ZCWPW1: variants seen among roughly 807,000 people sequenced by gnomAD.
ZCWPW1 encodes the protein zinc finger CW-type PWWP domain protein 1.
ZCWPW1 carries 56 observed loss-of-function variants against 81.3 expected under a neutral mutation model. The observed-to-expected ratio is 0.69, with a 90% confidence interval of 0.56 to 0.86. The LOEUF (loss-of-function observed/expected upper bound fraction) is 0.86. ZCWPW1 is among the 40% of genes least tolerant of loss of function. The pLI is 0.00. For synonymous variants in ZCWPW1, 250 were observed against 273.7 expected (o/e 0.91, Z 0.86); for missense variants, 650 against 769.8 (o/e 0.84, Z 1.84).
intron 5 of ZCWPW1, chr7:100,418,804 T>A (rs1011854987): frequency 3.6e-4 from 56 of 157,256 alleles, no homozygotes; most frequent in Admixed American, 6.6e-4. Flanking sequence ...AAAAAAAAAA[T>A]AATAAATAAG....
At position 100,408,658 on chromosome 7, in the gene ZCWPW1, A is replaced by T; in HGVS notation, c.873T>A (p.Asp291Glu). Residue 291 changes from aspartate (D) to glutamate (E), a missense_variant and splice_region_variant, in exon 10 of 18, where the codon GAT (aspartate) becomes GAA (glutamate). Coordinates refer to ENST00000684423, the MANE Select transcript of ZCWPW1 (RefSeq NM_001386010.1). ...GAATATCACAGCGATTATACTGCAC[A>T]TCTGCTGAAAGAGAGAAGGAATGAA... ...PDNWSCDQNT[D>E]VQYNRCDIPE... 6.2e-7 allele frequency: 1 copy of T among 1,612,786 alleles called. No individual in the cohort carries two copies. Among genetic ancestry groups the T allele is most frequent in the Non-Finnish European group, 8.5e-7 (1 of 1,179,428 alleles).
Position 100,402,557 on chromosome 7 carries a change from C to G in ZCWPW1, c.1433G>C (p.Arg478Pro), listed in dbSNP as rs766317643. 1 of 1,613,956 alleles carries G rather than the reference C, an allele frequency of 6.2e-7. No individual in the cohort carries two copies. The highest frequency in any genetic ancestry group is 8.5e-7 in the Non-Finnish European group (1 of 1,179,988). The change falls in exon 16 of 18, where the codon CGT (arginine) becomes CCT (proline). Residue 478 changes from arginine (R) to proline (P), a missense_variant. Transcript: ENST00000684423. The stretch of plus-strand genomic sequence containing the variant: ...TTGGGTCTGTATTTTGACTCGCTTA[C>G]GAATGGGCAAAATTGGGTCCTGAGG... ...GEKTDPILPI[R>P]KRVKIQTQKT...
At chr7:100,405,602 C>T (rs1423283272) in intron 12 of ZCWPW1, among the ~76,000 whole-genome samples, 1 of 152,114 alleles carries the variant, frequency 6.6e-6, no homozygotes, top group Admixed American at 6.6e-5. Context: ...ACCCCCCTTC[C>T]GTCTAATAGA....
chr7:100,428,076 G>A (rs1798057158), intron 1 of ZCWPW1, among the ~76,000 whole-genome samples: 1 of 152,100 alleles, frequency 6.6e-6, no homozygotes, highest in Non-Finnish European at 1.5e-5. Context: ...GTCGCCCTGA[G>A]AAAGTTTCTC....
intron 16 of ZCWPW1, 37 bp downstream of exon 16, chr7:100,402,479 C>T (rs1256854315): frequency 1.2e-6 from 2 of 1,610,876 alleles, no homozygotes; most frequent in South Asian, 1.1e-5. Context: ...CCTGCCTTAA[C>T]TGTGGGTTGT....
At chr7:100,407,145 G>A in intron 11 of ZCWPW1, 83 bp downstream of exon 11, 1 of 1,302,928 alleles carries the variant, frequency 7.7e-7, no homozygotes, top group Non-Finnish European at 1.1e-6. Context: ...CTATGTCCAT[G>A]TCTCTTATCT....
At position 100,420,617 on chromosome 7, in the gene ZCWPW1, C is replaced by G; in HGVS notation, c.28+5G>C. On this transcript the variant is annotated splice_donor_5th_base_variant and intron_variant, in intron 3 of 17. Transcript: ENST00000684423. ...TGAAGCGAACCTCCCTCACTCTTGA[C>G]TCACCTTCTTTATTCTGCAACGTTG... 6.2e-7 allele frequency: 1 copy of G among 1,614,138 alleles called. No homozygotes were observed. The highest frequency in any genetic ancestry group is 8.5e-7 in the Non-Finnish European group (1 of 1,180,026).
intron 9 of ZCWPW1, among the ~76,000 whole-genome samples, chr7:100,408,925 C>T (rs887906025): frequency 6.6e-6 from 1 of 151,968 alleles, no homozygotes; most frequent in Non-Finnish European, 1.5e-5. Flanking sequence ...AGATTCCACA[C>T]TCCTGCTTGC....
chr7:100,415,029 G>T (rs913440191), intron 8 of ZCWPW1, among the ~76,000 whole-genome samples: 1 of 133,874 alleles, frequency 7.5e-6, no homozygotes, highest in Admixed American at 7.6e-5. Flanking sequence ...ATCTCAAAAC[G>T]AAACAAAACA....
chr7:100,416,635 C>G (rs1795267738), intron 6 of ZCWPW1, among the ~76,000 whole-genome samples, 179 bp from the exon 7 acceptor site: 1 of 152,102 alleles, frequency 6.6e-6, no homozygotes, highest in South Asian at 2.1e-4. Context: ...CTTTCCTGAG[C>G]TGAGAGAAAT....
At chr7:100,425,226 A>AG (rs1484392934) in intron 1 of ZCWPW1, 90 bp from the exon 2 acceptor site, 5 of 152,218 alleles carry the variant, frequency 3.3e-5, no homozygotes, top group Non-Finnish European at 5.9e-5. Context: ...CTAAATGACT[A>AG]GGGGCTGTAG....
At position 100,419,098 on chromosome 7, in the gene ZCWPW1, C is replaced by T. The variant is rs781305680; in HGVS notation, c.361+13G>A. 6.2e-7 allele frequency: 1 copy of T among 1,610,500 alleles called. No individual in the cohort carries two copies. The highest frequency in any genetic ancestry group is 8.5e-7 in the Non-Finnish European group (1 of 1,177,844). On this transcript the variant is annotated intron_variant, in intron 5 of 17. Transcript: ENST00000684423. ...CTTAACTGAAACCCTTTTTCTCTTACTACATGCCATACCCAAGCACTCCTG... is the reference window on the plus strand; with the variant it reads ...CTTAACTGAAACCCTTTTTCTCTTATTACATGCCATACCCAAGCACTCCTG...
At position 100,419,689 on chromosome 7, in the gene ZCWPW1, T is replaced by A. The variant is rs757747749; in HGVS notation, c.223A>T (p.Arg75Trp). ...EKATMKNVPS[R>W]EQEKKRKAQI... ...GCCTTTCTTTTTTTCTCCTGTTCCC[T>A]GCTTGGAACATTCTTCATGGTTGCT... The change falls in exon 4 of 18, where the codon AGG becomes TGG. Residue 75 changes from arginine to tryptophan, a missense_variant. Arg to Trp is a moderately radical substitution (Grantham distance 101, BLOSUM62 -3). Coordinates refer to ENST00000684423, the MANE Select transcript of ZCWPW1 (RefSeq NM_001386010.1). 6 of 1,614,008 alleles carry A rather than the reference T, an allele frequency of 3.7e-6. No individual in the cohort carries two copies. The highest frequency in any genetic ancestry group is 1.7e-5 in the Admixed American group (1 of 59,974).
intron 12 of ZCWPW1, among the ~76,000 whole-genome samples, chr7:100,405,894 G>A (rs1319842358): frequency 1.3e-5 from 2 of 152,254 alleles, no homozygotes; most frequent in South Asian, 4.1e-4. Context: ...CAAAGTGCTG[G>A]GATTACAGGT....
intron 12 of ZCWPW1, among the ~76,000 whole-genome samples, chr7:100,405,629 A>C (rs1004290671): frequency 9.9e-5 from 15 of 151,966 alleles, no homozygotes; most frequent in African/African-American, 3.6e-4. Context: ...ACCAATTCCT[A>C]ACTAGGTATA....
intron 10 of ZCWPW1, among the ~76,000 whole-genome samples, chr7:100,408,076 G>A (rs1205328169): frequency 3.9e-5 from 6 of 152,118 alleles, no homozygotes; most frequent in South Asian, 2.1e-4. Context: ...TCAGCGTCCT[G>A]AGTAGCTGGG....
At chr7:100,417,789 C>T (rs529938061) in intron 5 of ZCWPW1, among the ~76,000 whole-genome samples, 62 of 152,066 alleles carry the variant, frequency 4.1e-4, no homozygotes, top group African/African-American at 1.4e-3. Context: ...AGAAGTATAC[C>T]TAAGAATGGC....
Position 100,400,971 on chromosome 7 carries a change from C to A in ZCWPW1, c.*43G>T, listed in dbSNP as rs773970146. The A allele has an allele frequency of 7.8e-6, 12 of 1,538,714 alleles. No homozygotes were observed. Among genetic ancestry groups the A allele is most frequent in the East Asian group, 2.3e-5 (1 of 43,826 alleles). The stretch of plus-strand genomic sequence containing the variant: ...AGCACTTAGCAACTTCTCCCTCCTG[C>A]GCCCCAGAGAAGGGAGAAAAAGAGG... On this transcript the variant is annotated 3_prime_UTR_variant, in exon 18 of 18. Transcript: ENST00000684423.
intron 9 of ZCWPW1, 46 bp from the exon 10 acceptor site, chr7:100,408,705 A>G: frequency 1.3e-6 from 2 of 1,594,960 alleles, no homozygotes; most frequent in East Asian, 2.2e-5. Context: ...AGACTCTTTA[A>G]GAGAAAGAGC....
Sources: allele counts gnomAD v4.1 joint callset (sites outside exome capture counted in the v4.1 genomes callset), GRCh38; gene constraint gnomAD v4.1.1; transcripts MANE v1.5; gene names NCBI Gene and HGNC (gene_info 2026-07-23, HGNC 2026-07-21).